The following KLC1 variants were observed in gnomAD, a reference collection of about 807,000 sequenced individuals.
The protein encoded by KLC1 is kinesin light chain 1.
In KLC1, 30 loss-of-function variants were observed where a neutral mutation model predicts 84.2. That is an observed-to-expected ratio of 0.36 (90% CI 0.27 to 0.48). The LOEUF (loss-of-function observed/expected upper bound fraction) is 0.48, where lower values mean the gene tolerates loss of function less well. KLC1 is among the 20% of genes least tolerant of loss of function. The probability of loss-of-function intolerance (pLI) is 0.99; values close to 1 mark genes in which losing one functional copy is unlikely to be tolerated. For missense variants in KLC1, 499 were observed against 805.4 expected (o/e 0.62, Z 4.60); for synonymous variants, 289 against 293.3 (o/e 0.99, Z 0.15).
At chr14:103,650,637 G>A (rs890696904) in intron 1 of KLC1, among the ~76,000 whole-genome samples, 1 of 146,902 alleles carries the variant, frequency 6.8e-6, no homozygotes, top group Non-Finnish European at 1.5e-5. Context: ...GGAGTGCAGT[G>A]GTGCGATCTC....
intron 5 of KLC1, among the ~76,000 whole-genome samples, chr14:103,663,246 A>AT (rs2079446209): frequency 6.6e-6 from 1 of 151,656 alleles, no homozygotes; most frequent in Admixed American, 6.6e-5. Flanking sequence ...TGCCTGGCTA[A>AT]TTTTTTTGTA....
At chr14:103,687,362 C>T (rs2081846442) in intron 14 of KLC1, among the ~76,000 whole-genome samples, 151 bp downstream of exon 14, 1 of 152,168 alleles carries the variant, frequency 6.6e-6, no homozygotes, top group South Asian at 2.1e-4. Flanking sequence ...ATAGTTGCCA[C>T]GTAGGTTTTT....
chr14:103,646,986 C>T (rs746256444), intron 1 of KLC1, among the ~76,000 whole-genome samples: 1 of 152,060 alleles, frequency 6.6e-6, no homozygotes. Context: ...TATACAAATT[C>T]ATATTTATGT....
At chr14:103,652,170 TTCC>T (rs1459868189) in intron 1 of KLC1, among the ~76,000 whole-genome samples, 3 of 152,214 alleles carry the variant, frequency 2.0e-5, no homozygotes, top group Non-Finnish European at 2.9e-5. Flanking sequence ...AAGTTTTATT[TTCC>T]TCCTCCTGAA....
rs146481327 is a variant in KLC1, at chr14:103,637,455, G to A, written c.-2+7961G>A. Among the ~76,000 whole-genome samples, 351 of 151,910 alleles carry A rather than the reference G, an allele frequency of 2.3e-3. 2 individuals are homozygous for A. Among genetic ancestry groups the A allele is most frequent in the African/African-American group, 8.1e-3 (335 of 41,454 alleles). On this transcript the variant is annotated intron_variant, in intron 1 of 16. Transcript: ENST00000334553. ...TGAGGCAGAAGAATCGCTTGATCCC[G>A]GGAGGCAGAGGTTGCAGTGAGTCGA...
chr14:103,685,357 C>G, intron 13 of KLC1: 2 of 1,240,128 alleles, frequency 1.6e-6, no homozygotes, highest in Non-Finnish European at 2.0e-6. Flanking sequence ...AAGGAGATTT[C>G]TAATACGTTG....
intron 1 of KLC1, among the ~76,000 whole-genome samples, chr14:103,647,720 A>C (rs1324148352): frequency 1.3e-5 from 2 of 151,596 alleles, no homozygotes; most frequent in African/African-American, 4.8e-5. Context: ...TACTAAAAAT[A>C]CAAAAATTAG....
At chr14:103,664,531 A>G (rs1034083523) in intron 5 of KLC1, among the ~76,000 whole-genome samples, 10 of 151,974 alleles carry the variant, frequency 6.6e-5, no homozygotes, top group African/African-American at 2.4e-4. Flanking sequence ...GAGACATTTC[A>G]TTGCAAAAAA....
Position 103,670,229 on chromosome 14 carries a change from G to C in KLC1, c.933G>C (p.Gly311=), listed in dbSNP as rs747170537. 6.2e-7 allele frequency: 1 copy of C among 1,613,422 alleles called. No homozygotes were observed. Among genetic ancestry groups the C allele is most frequent in the Non-Finnish European group, 8.5e-7 (1 of 1,179,546 alleles). Residue 311 remains glycine (G), a synonymous_variant, in exon 7 of 17, where the codon GGG becomes GGC. Coordinates refer to ENST00000334553, the MANE Select transcript of KLC1 (RefSeq NM_001394837.1). ...NNLAVLYGKR[G]KYKEAEPLCK... ...TTGCAGTCCTTTATGGTAAAAGAGG[G>C]AAGTACAAAGAAGCAGAGCCGTTGT... is the stretch of plus-strand genomic sequence containing the variant.
chr14:103,656,548 A>G (rs914911066), intron 2 of KLC1, among the ~76,000 whole-genome samples: 4 of 152,210 alleles, frequency 2.6e-5, no homozygotes, highest in African/African-American at 7.2e-5. Flanking sequence ...GCTGCTGGCC[A>G]GCGGTTTCTG....
At chr14:103,633,061 AT>A (rs775065731) in intron 1 of KLC1, among the ~76,000 whole-genome samples, 264 of 144,126 alleles carry the variant, frequency 1.8e-3, no homozygotes, top group Middle Eastern at 3.6e-3. Flanking sequence ...GGGTTGGAAG[AT>A]TTTTTTTTTT....
chr14:103,647,314 T>C (rs1476309767), intron 1 of KLC1, among the ~76,000 whole-genome samples: 19 of 151,902 alleles, frequency 1.3e-4, no homozygotes, highest in Admixed American at 2.6e-4. Flanking sequence ...ACCTCCACTT[T>C]CCAGGTTCAA....
chr14:103,633,034 C>G (rs962838801), intron 1 of KLC1, among the ~76,000 whole-genome samples: 8 of 151,544 alleles, frequency 5.3e-5, no homozygotes, highest in Non-Finnish European at 1.2e-4. Flanking sequence ...TGCTTTCATT[C>G]TGAGGTTTAC....
intron 15 of KLC1, chr14:103,698,945 A>C (rs1436896238): frequency 8.1e-6 from 13 of 1,601,030 alleles, no homozygotes; most frequent in Non-Finnish European, 1.1e-5. Flanking sequence ...GGAGCCGGTC[A>C]GCCAGCAGTC....
At chr14:103,671,374 G>GT (rs901007951) in intron 7 of KLC1, among the ~76,000 whole-genome samples, 143 of 147,228 alleles carry the variant, frequency 9.7e-4, no homozygotes, top group Middle Eastern at 7.1e-3. Flanking sequence ...CACAAATTGT[G>GT]TTTTTTTTTT....
At chr14:103,658,487 C>T (rs1436350693) in intron 3 of KLC1, among the ~76,000 whole-genome samples, 1 of 127,398 alleles carries the variant, frequency 7.8e-6, no homozygotes, top group Non-Finnish European at 1.6e-5. Context: ...TTTGGCCAGG[C>T]TGGTCTTGAA....
In KLC1 at chr14:103,661,674, C is replaced by A. The variant is rs370770913; in HGVS notation, c.493-442C>A. Among the ~76,000 whole-genome samples, 3 of 152,126 alleles carry A rather than the reference C, an allele frequency of 2.0e-5. 1 individual carries two copies. Among genetic ancestry groups the A allele is most frequent in the Non-Finnish European group, 4.4e-5 (3 of 68,032 alleles). The stretch of plus-strand genomic sequence containing the variant: ...TAAAGCTGGGAGGTTTCAAACTGCT[C>A]CCAGGGATCCTGCCCCAGAGCCGAT... On this transcript the variant is annotated intron_variant, in intron 3 of 16. Transcript: ENST00000334553.
chr14:103,633,573 T>G (rs2076843732), intron 1 of KLC1, among the ~76,000 whole-genome samples: 1 of 152,118 alleles, frequency 6.6e-6, no homozygotes, highest in African/African-American at 2.4e-5. Context: ...TGGGGCTGAC[T>G]GGATTGGGGT....
chr14:103,643,430 C>T (rs1222501749), intron 1 of KLC1, among the ~76,000 whole-genome samples: 1 of 152,178 alleles, frequency 6.6e-6, no homozygotes, highest in Non-Finnish European at 1.5e-5. Context: ...ATCATGTTGG[C>T]ACGTGCCCTT....
Sources: gnomAD v4.1 joint callset for allele counts (sites outside exome capture counted in the v4.1 genomes callset) on GRCh38, gnomAD v4.1.1 for gene constraint, MANE v1.5 for transcripts, NCBI Gene and HGNC (gene_info 2026-07-23, HGNC 2026-07-21) for gene names.